TCAIM: variants seen among roughly 807,000 people sequenced by gnomAD.
TCAIM encodes the protein T cell activation inhibitor, mitochondrial, also known as T-cell activation inhibitor, mitochondrial.
Under a neutral mutation model 58.6 loss-of-function variants are expected in TCAIM, and 36 were observed. That is an observed-to-expected ratio of 0.61 (90% CI 0.47 to 0.81). The LOEUF is 0.81. TCAIM is among the 30% of genes least tolerant of loss of function. The pLI is 0.00. For synonymous variants in TCAIM, 172 were observed against 193.6 expected, an observed-to-expected ratio of 0.89 and a Z score of 0.93; for missense variants, 466 against 579.6, an observed-to-expected ratio of 0.80 and a Z score of 2.01.
chr3:44,406,755 T>C (rs983441505), intron 10 of TCAIM, among the ~76,000 whole-genome samples: 1 of 152,242 alleles, frequency 6.6e-6, no homozygotes, highest in Admixed American at 6.5e-5. Context: ...ATGGGCTTGC[T>C]GAGTAACTCA....
At position 44,408,869 on chromosome 3, in the gene TCAIM, G is replaced by A. The variant is rs1055998169; in HGVS notation, c.*1187G>A. On this transcript the variant is annotated 3_prime_UTR_variant, in exon 11 of 11. Coordinates refer to ENST00000342649, the MANE Select transcript of TCAIM (RefSeq NM_173826.4). ...TTGATGGTGTCCCCAGCACAGCCGA[G>A]AGACCTGATCTCTGGATTCAGTGCT... is the stretch of plus-strand genomic sequence containing the variant. 6.6e-6 allele frequency: 1 copy of A among 152,192 alleles called. No individual in the cohort carries two copies. The highest frequency in any genetic ancestry group is 2.4e-5 in the African/African-American group (1 of 41,448). 9.4% of individuals were successfully genotyped at this position (152,192 alleles called of 1,614,324 possible).
chr3:44,396,843 G>A lies in TCAIM; in HGVS notation c.885+9G>A. The A allele has an allele frequency of 1.2e-6, 2 of 1,611,936 alleles. No homozygotes were observed. Among genetic ancestry groups the A allele is most frequent in the Non-Finnish European group, 1.7e-6 (2 of 1,178,864 alleles). Reference sequence around the variant, plus strand: ...ATCACCACTGGACAAAAGTAAGAAAGAGCCTTAAAATTAAAAACTCCTTGT... The same window carrying A: ...ATCACCACTGGACAAAAGTAAGAAAAAGCCTTAAAATTAAAAACTCCTTGT... On this transcript the variant is annotated intron_variant, in intron 8 of 10. Coordinates refer to ENST00000342649, the MANE Select transcript of TCAIM (RefSeq NM_173826.4).
chr3:44,345,351 G>T (rs1700944797), intron 1 of TCAIM, among the ~76,000 whole-genome samples: 2 of 152,026 alleles, frequency 1.3e-5, no homozygotes, highest in South Asian at 2.1e-4. Flanking sequence ...AGGTATTAAA[G>T]GACTTAAGAA....
chr3:44,382,089 C>T (rs1224259071), intron 5 of TCAIM, among the ~76,000 whole-genome samples: 1 of 152,130 alleles, frequency 6.6e-6, no homozygotes, highest in Non-Finnish European at 1.5e-5. Flanking sequence ...TATCAAAAGC[C>T]TGATGACATT....
At chr3:44,388,020 C>CTA (rs1006727769) in intron 5 of TCAIM, among the ~76,000 whole-genome samples, 12 of 151,348 alleles carry the variant, frequency 7.9e-5, no homozygotes, top group South Asian at 2.1e-4. Context: ...ATCATTCTCT[C>CTA]TATATATATA....
chr3:44,359,311 G>T (rs1358220377), intron 3 of TCAIM: 2 of 155,500 alleles, frequency 1.3e-5, no homozygotes, highest in Non-Finnish European at 2.8e-5. Context: ...CCAAAGAAAG[G>T]TCTGACCCCA....
chr3:44,366,219 TTTTTTATTGATGAC>T (rs1273039508), intron 4 of TCAIM, among the ~76,000 whole-genome samples: 4 of 110,640 alleles, frequency 3.6e-5, no homozygotes, highest in Non-Finnish European at 8.1e-5. Flanking sequence ...AACCAGTGGA[TTTTTTATTGATGAC>T]TTAACAATTT....
chr3:44,352,862 T>TTCATATGCTTGGAA (rs544397187), intron 1 of TCAIM, among the ~76,000 whole-genome samples: 1 of 152,016 alleles, frequency 6.6e-6, no homozygotes, highest in African/African-American at 2.4e-5. Flanking sequence ...CTGCTTGGAA[T>TTCATATGCTTGGAA]TCATATGCTT....
rs941229862 is a variant in TCAIM at position 44,409,214 on chromosome 3, C to T, written c.*1532C>T. Reference sequence around the variant, plus strand: ...GTGTGTATCATCCCTTTTAACCGTGCCTAACAACTGTACTTAAATTTTGTT... The same window carrying T: ...GTGTGTATCATCCCTTTTAACCGTGTCTAACAACTGTACTTAAATTTTGTT... On this transcript the variant is annotated 3_prime_UTR_variant, in exon 11 of 11. Transcript: ENST00000342649. The T allele has an allele frequency of 7.2e-5, 11 of 152,158 alleles. No homozygotes were observed. The highest frequency in any genetic ancestry group is 3.3e-4 in the Admixed American group (5 of 15,272). 9.4% of individuals were successfully genotyped at this position (152,158 alleles called of 1,614,324 possible). A position where few individuals can be genotyped will look rare whatever the true frequency, so the allele number is the denominator to read the frequency against.
chr3:44,361,131 T>A lies in TCAIM; in HGVS notation c.166-234T>A, dbSNP rs140687223. Among the ~76,000 whole-genome samples, 4 of 152,340 alleles carry A rather than the reference T, an allele frequency of 2.6e-5. No homozygotes were observed. The East Asian group carries it at 7.7e-4, about 29-fold the overall frequency. On this transcript the variant is annotated intron_variant, in intron 3 of 10. Transcript: ENST00000342649. ...ATAAAGGAATTCAACCATGTTTTCT[T>A]CTATTACTTATATGGTTACATCTTT...
At chr3:44,343,295 C>CCGG (rs1700893821) in intron 1 of TCAIM, among the ~76,000 whole-genome samples, 1 of 152,042 alleles carries the variant, frequency 6.6e-6, no homozygotes, top group Non-Finnish European at 1.5e-5. Flanking sequence ...ATCTCAAGCC[C>CCGG]CCTAGCCTCC....
intron 10 of TCAIM, 40 bp from the exon 11 acceptor site, chr3:44,407,402 A>G (rs1358535471): frequency 3.0e-6 from 4 of 1,322,306 alleles, no homozygotes. Flanking sequence ...TTATGACAAT[A>G]TTTGTTCTTA....
chr3:44,352,361 G>A (rs1701109751), intron 1 of TCAIM, among the ~76,000 whole-genome samples: 1 of 152,096 alleles, frequency 6.6e-6, no homozygotes, highest in Admixed American at 6.5e-5. Flanking sequence ...CAGTTGATAT[G>A]GAGACTGTAG....
rs115343607 is a variant in TCAIM, at chr3:44,396,351, G to C, written c.696-49G>C. The C allele has an allele frequency of 5.8e-6, 9 of 1,550,392 alleles. No individual in the cohort carries two copies. In the African/African-American group the frequency reaches 1.2e-4, roughly 21 times the overall value. ...AGTAGTTGTGGTGGGTGCTCGCTCC[G>C]TCTTCAGGGTGCCACTTGTTAACAT... is the stretch of plus-strand genomic sequence containing the variant. On this transcript the variant is annotated intron_variant, in intron 6 of 10. Transcript: ENST00000342649.
At chr3:44,406,491 T>TG (rs1491292050) in intron 10 of TCAIM, among the ~76,000 whole-genome samples, 1 of 5,542 alleles carries the variant, frequency 1.8e-4, no homozygotes, top group South Asian at 0.042. Context: ...ATATTCTAAG[T>TG]AAGAATAATC....
intron 5 of TCAIM, among the ~76,000 whole-genome samples, chr3:44,390,630 T>C (rs994974194): frequency 5.9e-5 from 9 of 151,784 alleles, no homozygotes; most frequent in Non-Finnish European, 1.3e-4. Context: ...CTCAAAAAAA[T>C]TGGAACAATA....
At chr3:44,357,125 C>G (rs1227981797) in intron 2 of TCAIM, among the ~76,000 whole-genome samples, 1 of 152,004 alleles carries the variant, frequency 6.6e-6, no homozygotes, top group East Asian at 1.9e-4. Context: ...AAAAATTGAG[C>G]CAGGCATGGT....
intron 5 of TCAIM, among the ~76,000 whole-genome samples, chr3:44,373,629 G>A (rs1701517523): frequency 6.6e-6 from 1 of 152,082 alleles, no homozygotes; most frequent in African/African-American, 2.4e-5. Flanking sequence ...ACTCTAGCGT[G>A]GGTGACAGAG....
At chr3:44,367,759 G>A in intron 5 of TCAIM, 51 bp downstream of exon 5, 1 of 1,489,544 alleles carries the variant, frequency 6.7e-7, no homozygotes. Flanking sequence ...TTGTGTTTAT[G>A]ACACTGATTT....
Sources: allele counts gnomAD v4.1 joint callset (sites outside exome capture counted in the v4.1 genomes callset), GRCh38; gene constraint gnomAD v4.1.1; transcripts MANE v1.5; gene names NCBI Gene and HGNC (gene_info 2026-07-23, HGNC 2026-07-21).